Variants in CNGB3 observed in about 807,000 individuals in gnomAD.
CNGB3 encodes the protein cyclic nucleotide-gated channel beta-3.
In CNGB3, 86 loss-of-function variants were observed where a neutral mutation model predicts 92.8. That is an observed-to-expected ratio of 0.93 (90% CI 0.78 to 1.11). CNGB3 has a LOEUF of 1.11. CNGB3 is among the 50% of genes least tolerant of loss of function. CNGB3 has a pLI of 0.00. For missense variants in CNGB3, 1,026 were observed against 956.8 expected, an observed-to-expected ratio of 1.07 and a Z score of -0.95; for synonymous variants, 333 against 332.7, an observed-to-expected ratio of 1.00 and a Z score of -0.01.
At chr8:86,680,985 C>T (rs979006436) in intron 3 of CNGB3, among the ~76,000 whole-genome samples, 1 of 152,148 alleles carries the variant, frequency 6.6e-6, no homozygotes, top group Admixed American at 6.6e-5. Context: ...AGGTAAACGG[C>T]TCCTACGCTT....
intron 10 of CNGB3, among the ~76,000 whole-genome samples, chr8:86,637,811 A>G (rs1396667392): frequency 1.3e-5 from 2 of 152,184 alleles, no homozygotes; most frequent in African/African-American, 2.4e-5. Context: ...CCTGTGTAAC[A>G]AAACACATGT....
chr8:86,590,269 C>T (rs1029174710), intron 15 of CNGB3, among the ~76,000 whole-genome samples: 1 of 151,940 alleles, frequency 6.6e-6, no homozygotes, highest in Non-Finnish European at 1.5e-5. Flanking sequence ...ATACAGCACA[C>T]TGATGGGTCT....
chr8:86,705,820 T>A (rs1370286164), intron 3 of CNGB3, among the ~76,000 whole-genome samples: 1 of 152,158 alleles, frequency 6.6e-6, no homozygotes, highest in Non-Finnish European at 1.5e-5. Context: ...TTTGCACCAA[T>A]GCATGGAGTT....
intron 3 of CNGB3, among the ~76,000 whole-genome samples, chr8:86,716,983 C>T (rs1824865734): frequency 6.6e-6 from 1 of 152,048 alleles, no homozygotes; most frequent in Admixed American, 6.6e-5. Context: ...ACTCACCTAA[C>T]ACATAATGAC....
intron 15 of CNGB3, chr8:86,594,633 G>C (rs1822128797): frequency 4.8e-6 from 1 of 206,218 alleles, no homozygotes; most frequent in Non-Finnish European, 9.9e-6. Flanking sequence ...CCCTGACTGG[G>C]ACACCTGCTG....
intron 3 of CNGB3, among the ~76,000 whole-genome samples, chr8:86,680,372 A>T (rs568669126): frequency 6.6e-6 from 1 of 152,314 alleles, no homozygotes; most frequent in South Asian, 2.1e-4. Context: ...GTTAATGAAA[A>T]AAACCATCAT....
chr8:86,628,311 C>T (rs1471758744), intron 12 of CNGB3, among the ~76,000 whole-genome samples: 1 of 152,088 alleles, frequency 6.6e-6, no homozygotes, highest in Non-Finnish European at 1.5e-5. Flanking sequence ...GAACTCCTGA[C>T]CTCAAGTGAT....
intron 13 of CNGB3, among the ~76,000 whole-genome samples, chr8:86,621,122 A>G (rs12677808): frequency 0.34 from 52,319 of 152,056 alleles, 9,153 homozygotes; most frequent in East Asian, 0.42. Flanking sequence ...CAAAAAACTG[A>G]TATCTTCTCA....
At chr8:86,665,460 A>G (rs1823723366) in intron 6 of CNGB3, among the ~76,000 whole-genome samples, 1 of 152,196 alleles carries the variant, frequency 6.6e-6, no homozygotes. Flanking sequence ...AAAAAGACAC[A>G]TGCACCTGCA....
chr8:86,601,445 A>T (rs778714071), intron 15 of CNGB3, among the ~76,000 whole-genome samples: 7 of 152,118 alleles, frequency 4.6e-5, no homozygotes, highest in Non-Finnish European at 1.0e-4. Flanking sequence ...CAGGCTATTA[A>T]TCTATATTTT....
chr8:86,686,528 T>G (rs1249811108), intron 3 of CNGB3, among the ~76,000 whole-genome samples: 2 of 152,070 alleles, frequency 1.3e-5, no homozygotes, highest in Non-Finnish European at 2.9e-5. Flanking sequence ...ACCCTATGGA[T>G]CTGTTCTTTT....
intron 13 of CNGB3, among the ~76,000 whole-genome samples, chr8:86,618,411 T>G (rs985733313): frequency 2.0e-5 from 3 of 152,324 alleles, no homozygotes; most frequent in Admixed American, 6.5e-5. Flanking sequence ...TTTCTCCATT[T>G]AATAATAACT....
At chr8:86,722,241 C>A (rs1389771843) in intron 3 of CNGB3, among the ~76,000 whole-genome samples, 1 of 152,104 alleles carries the variant, frequency 6.6e-6, no homozygotes, top group Non-Finnish European at 1.5e-5. Flanking sequence ...AACACATCTT[C>A]TTTTGCTTGC....
At chr8:86,670,416 C>T (rs978099999) in intron 4 of CNGB3, among the ~76,000 whole-genome samples, 2 of 152,114 alleles carry the variant, frequency 1.3e-5, no homozygotes, top group African/African-American at 4.8e-5. Context: ...GGAGGATTTC[C>T]TCTAGCAGGT....
At chr8:86,686,557 G>A (rs994744516) in intron 3 of CNGB3, among the ~76,000 whole-genome samples, 4 of 152,066 alleles carry the variant, frequency 2.6e-5, no homozygotes, top group Non-Finnish European at 5.9e-5. Context: ...TATTTGAGAA[G>A]AAGAGATAAT....
At chr8:86,589,438 C>G (rs1821973955) in intron 15 of CNGB3, among the ~76,000 whole-genome samples, 1 of 150,958 alleles carries the variant, frequency 6.6e-6, no homozygotes. Flanking sequence ...GTTAGGGTGT[C>G]AATTTTGGAT....
chr8:86,708,941 G>A (rs938403715), intron 3 of CNGB3, among the ~76,000 whole-genome samples: 11 of 152,106 alleles, frequency 7.2e-5, no homozygotes, highest in Admixed American at 2.0e-4. Context: ...ATAGGTAACT[G>A]TTTCGAATAA....
At chr8:86,688,323 C>G (rs1460278859) in intron 3 of CNGB3, among the ~76,000 whole-genome samples, 3 of 152,024 alleles carry the variant, frequency 2.0e-5, no homozygotes, top group Non-Finnish European at 4.4e-5. Flanking sequence ...ATAAAATGGA[C>G]AAATATTACC....
At position 86,694,506 on chromosome 8, in the gene CNGB3, G is replaced by T. The variant is rs536595717; in HGVS notation, c.339-23408C>A. On this transcript the variant is annotated intron_variant, in intron 3 of 17. Coordinates refer to ENST00000320005, the MANE Select transcript of CNGB3 (RefSeq NM_019098.5). ...GAGGGTCTCCTCACTTCTCAGATGG[G>T]GCGGCTGCCGGGTGGCGGGACTCCT... 4.6e-5 allele frequency among the ~76,000 whole-genome samples: 7 copies of T among 151,880 alleles called. No individual in the cohort carries two copies. The South Asian group carries it at 1.0e-3, about 23-fold the overall frequency.
Sources: gnomAD v4.1 joint callset for allele counts (sites outside exome capture counted in the v4.1 genomes callset) on GRCh38, gnomAD v4.1.1 for gene constraint, MANE v1.5 for transcripts, NCBI Gene and HGNC (gene_info 2026-07-23, HGNC 2026-07-21) for gene names.